Variants in PCDH15 observed in about 807,000 individuals in gnomAD.
The protein encoded by PCDH15 is protocadherin related 15.
Under a neutral mutation model 178.5 loss-of-function variants are expected in PCDH15, and 129 were observed. The observed-to-expected ratio is 0.72, with a 90% confidence interval of 0.63 to 0.84. The LOEUF is 0.84. Ranked by LOEUF, PCDH15 falls within the 40% of genes least tolerant of loss-of-function variation. The pLI is 0.00. For synonymous variants in PCDH15, 800 were observed against 732.0 expected, an observed-to-expected ratio of 1.09 and a Z score of -1.50; for missense variants, 2,230 against 2,099.9, an observed-to-expected ratio of 1.06 and a Z score of -1.21.
At position 55,315,771 on chromosome 10, in the gene PCDH15, G is replaced by A. The variant is rs367807343; in HGVS notation, c.-156+3828C>T. 5.8e-3 allele frequency among the ~76,000 whole-genome samples: 889 copies of A among 152,108 alleles called. 12 individuals carry two copies. Among genetic ancestry groups the A allele is most frequent in the African/African-American group, 0.02 (841 of 41,506 alleles). ...GGTGGCTCCTGCCTGCAATCCCAGC[G>A]CTTTGGGAGGCTGAGGCAGGCAGAT... On this transcript the variant is annotated intron_variant, in intron 1 of 5. Transcript: ENST00000458638.
intron 2 of PCDH15, among the ~76,000 whole-genome samples, chr10:55,076,313 A>G (rs1394525151): frequency 2.6e-5 from 4 of 151,966 alleles, no homozygotes; most frequent in African/African-American, 9.7e-5. Flanking sequence ...CGATCTGTCT[A>G]TTACTGTATT....
chr10:54,372,319 C>T (rs188933300), intron 4 of PCDH15, among the ~76,000 whole-genome samples: 15 of 151,914 alleles, frequency 9.9e-5, no homozygotes, highest in Admixed American at 7.2e-4. Flanking sequence ...ACTGAGGCCT[C>T]ACTTAGTCCT....
Position 53,808,767 on chromosome 10 carries a change from C to T in PCDH15, c.4672-1637G>A, listed in dbSNP as rs139441645. 12,697 of 1,612,442 alleles carry T rather than the reference C, an allele frequency of 7.9e-3. 58 individuals are homozygous for T. Among genetic ancestry groups the T allele is most frequent in the Non-Finnish European group, 8.8e-3 (10,385 of 1,179,288 alleles). Reference sequence around the variant, plus strand: ...GGTTTGCATTCTTGCTTCTGTCATACGCTGGTACCTGATAGCCCCATGGAC... The same window carrying T: ...GGTTTGCATTCTTGCTTCTGTCATATGCTGGTACCTGATAGCCCCATGGAC... On this transcript the variant is annotated intron_variant, in intron 37 of 37. Coordinates refer to ENST00000644397, the MANE Select transcript of PCDH15 (RefSeq NM_001384140.1).
intron 3 of PCDH15, among the ~76,000 whole-genome samples, chr10:54,384,606 T>C (rs1255961524): frequency 6.6e-6 from 1 of 152,160 alleles, no homozygotes; most frequent in East Asian, 1.9e-4. Flanking sequence ...TTGTATTAAA[T>C]TTATCAACAT....
intron 3 of PCDH15, among the ~76,000 whole-genome samples, chr10:54,404,513 A>G (rs1952366401): frequency 6.6e-6 from 1 of 152,150 alleles, no homozygotes. Context: ...ATATACAAAA[A>G]TGAACTCAAG....
At chr10:54,678,945 C>G (rs938180945) in intron 1 of PCDH15, among the ~76,000 whole-genome samples, 2 of 152,018 alleles carry the variant, frequency 1.3e-5, no homozygotes, top group Non-Finnish European at 2.9e-5. Flanking sequence ...AATCCCAGCA[C>G]TTTGGGAGGC....
At chr10:53,854,587 T>C (rs2078603206) in intron 28 of PCDH15, among the ~76,000 whole-genome samples, 1 of 152,012 alleles carries the variant, frequency 6.6e-6, no homozygotes, top group Non-Finnish European at 1.5e-5. Flanking sequence ...AGAGCTGTAA[T>C]AGGATCTAAA....
chr10:55,588,681 A>G (rs1589159502), intron 2 of PCDH15, among the ~76,000 whole-genome samples: 1 of 141,956 alleles, frequency 7.0e-6, no homozygotes, highest in South Asian at 2.1e-4. Flanking sequence ...ATCATTTCTG[A>G]AAAAAAAAAT....
intron 1 of PCDH15, among the ~76,000 whole-genome samples, chr10:54,707,545 T>C (rs892353346): frequency 2.0e-5 from 3 of 152,072 alleles, no homozygotes; most frequent in East Asian, 1.9e-4. Context: ...AATAATAAAA[T>C]AATTAAAATA....
At chr10:55,008,992 C>T (rs775219734) in intron 2 of PCDH15, among the ~76,000 whole-genome samples, 6 of 152,116 alleles carry the variant, frequency 3.9e-5, no homozygotes, top group Non-Finnish European at 5.9e-5. Context: ...ACTCGTCTCA[C>T]TCCGGAAGAA....
intron 2 of PCDH15, among the ~76,000 whole-genome samples, chr10:55,061,889 G>A (rs534256405): frequency 1.2e-3 from 177 of 152,212 alleles, no homozygotes; most frequent in African/African-American, 4.1e-3. Flanking sequence ...ACATGGTAGC[G>A]AGTGCCTGCA....
At chr10:55,484,327 T>C (rs1314494777) in intron 2 of PCDH15, among the ~76,000 whole-genome samples, 2 of 151,712 alleles carry the variant, frequency 1.3e-5, no homozygotes, top group Non-Finnish European at 2.9e-5. Context: ...ATAAAAGTTG[T>C]CTATAAAAAT....
intron 2 of PCDH15, among the ~76,000 whole-genome samples, chr10:55,012,621 C>G (rs1405104557): frequency 6.6e-6 from 1 of 152,022 alleles, no homozygotes; most frequent in African/African-American, 2.4e-5. Flanking sequence ...TCATCTTGAG[C>G]TTTCTTCAGT....
At chr10:54,731,194 C>T (rs1023339352) in intron 1 of PCDH15, among the ~76,000 whole-genome samples, 4 of 150,968 alleles carry the variant, frequency 2.6e-5, no homozygotes, top group African/African-American at 9.7e-5. Context: ...CAGTGAAATA[C>T]AACTCAAAAG....
intron 2 of PCDH15, among the ~76,000 whole-genome samples, chr10:55,329,569 A>G (rs1050530925): frequency 6.6e-6 from 1 of 151,838 alleles, no homozygotes; most frequent in Non-Finnish European, 1.5e-5. Flanking sequence ...AGAAAATTAT[A>G]GTTTGTTAAG....
intron 2 of PCDH15, among the ~76,000 whole-genome samples, chr10:55,463,794 T>C (rs903992312): frequency 2.0e-5 from 3 of 151,314 alleles, no homozygotes; most frequent in Middle Eastern, 3.4e-3. Flanking sequence ...TTCCCTGGGC[T>C]TCAACAAGTG....
rs1027664226 is a variant in PCDH15, at chr10:55,550,399, T to C, written c.-156+77226A>G. Among the ~76,000 whole-genome samples, 4 of 152,140 alleles carry C rather than the reference T, an allele frequency of 2.6e-5. No homozygotes were observed. The East Asian group carries it at 5.8e-4, about 22-fold the overall frequency. ...TGTCCTAGGGACAATAAGAGATTTG[T>C]GGTTTCACTGAAAATGACTACACTG... On this transcript the variant is annotated intron_variant, in intron 2 of 5. Transcript: ENST00000613346.
intron 1 of PCDH15, among the ~76,000 whole-genome samples, chr10:55,189,345 A>T (rs564775356): frequency 2.0e-5 from 3 of 151,952 alleles, no homozygotes; most frequent in Non-Finnish European, 4.4e-5. Context: ...AGATCATGTA[A>T]AGATTTTTTT....
intron 5 of PCDH15, among the ~76,000 whole-genome samples, chr10:54,363,948 C>T (rs1447257213): frequency 1.3e-5 from 2 of 152,116 alleles, no homozygotes; most frequent in African/African-American, 4.8e-5. Context: ...CACAGTGGCT[C>T]ATGCCTGTAA....
Sources: allele counts gnomAD v4.1 joint callset (sites outside exome capture counted in the v4.1 genomes callset), GRCh38; gene constraint gnomAD v4.1.1; transcripts MANE v1.5; gene names NCBI Gene and HGNC (gene_info 2026-07-23, HGNC 2026-07-21).